The following ERG variants were observed in gnomAD, a reference collection of about 807,000 sequenced individuals.
ERG encodes the protein ETS transcription factor ERG, also known as transcriptional regulator ERG.
Under a neutral mutation model 55.3 loss-of-function variants are expected in ERG, and 9 were observed. That is an observed-to-expected ratio of 0.16 (90% confidence interval 0.10 to 0.28). The LOEUF (loss-of-function observed/expected upper bound fraction) is 0.28. Among genes scored for constraint, ERG ranks in the 10% least tolerant of loss-of-function variants. ERG has a pLI of 1.00. For synonymous variants in ERG, 223 were observed against 237.3 expected, an observed-to-expected ratio of 0.94 and a Z score of 0.55; for missense variants, 434 against 631.6, an observed-to-expected ratio of 0.69 and a Z score of 3.35.
At chr21:38,434,892 G>A (rs1990380542) in intron 2 of ERG, among the ~76,000 whole-genome samples, 2 of 152,210 alleles carry the variant, frequency 1.3e-5, no homozygotes, top group African/African-American at 4.8e-5. Context: ...GTTCATAACT[G>A]TACCTCGGTG....
At chr21:38,528,034 G>A (rs1217964437) in intron 2 of ERG, among the ~76,000 whole-genome samples, 1 of 152,208 alleles carries the variant, frequency 6.6e-6, no homozygotes, top group East Asian at 1.9e-4. Flanking sequence ...AGGCTGTGAG[G>A]GAGGATCTGT....
intron 1 of ERG, among the ~76,000 whole-genome samples, chr21:38,656,019 C>T (rs8132920): frequency 0.8 from 122,040 of 152,068 alleles, 49,418 homozygotes; most frequent in African/African-American, 0.92. Flanking sequence ...TACTCTTCAC[C>T]GCGCCCCCCG....
intron 2 of ERG, among the ~76,000 whole-genome samples, chr21:38,440,853 G>T (rs2058835002): frequency 6.7e-6 from 1 of 149,520 alleles, no homozygotes; most frequent in African/African-American, 2.5e-5. Flanking sequence ...TGGGATCCCA[G>T]GCAGTCCTTT....
intron 2 of ERG, among the ~76,000 whole-genome samples, chr21:38,510,553 T>A (rs557368097): frequency 5.3e-5 from 8 of 152,212 alleles, no homozygotes; most frequent in Admixed American, 1.3e-4. Flanking sequence ...ACTTTTGGAG[T>A]GGGGAGCTTT....
At chr21:38,556,606 G>A (rs1429975360) in intron 2 of ERG, among the ~76,000 whole-genome samples, 1 of 152,070 alleles carries the variant, frequency 6.6e-6, no homozygotes, top group Non-Finnish European at 1.5e-5. Flanking sequence ...GTGGTCATGT[G>A]ACTCATTCCT....
chr21:38,444,979 G>A (rs1413442358), intron 2 of ERG, among the ~76,000 whole-genome samples: 3 of 152,138 alleles, frequency 2.0e-5, no homozygotes, highest in Non-Finnish European at 4.4e-5. Context: ...GAGCCCTCGT[G>A]CCTGGGAAAT....
chr21:38,552,397 C>T (rs940598987), intron 2 of ERG, among the ~76,000 whole-genome samples: 4 of 151,956 alleles, frequency 2.6e-5, no homozygotes, highest in African/African-American at 9.7e-5. Context: ...AAACTTCAGG[C>T]CAATATTCAT....
At chr21:38,409,634 A>C (rs1406157139) in intron 3 of ERG, among the ~76,000 whole-genome samples, 1 of 152,068 alleles carries the variant, frequency 6.6e-6, no homozygotes, top group Non-Finnish European at 1.5e-5. Flanking sequence ...AAGTAGAGAG[A>C]AGCTCTTTGG....
chr21:38,405,738 C>T (rs1033162817), intron 3 of ERG, among the ~76,000 whole-genome samples: 6 of 152,102 alleles, frequency 3.9e-5, no homozygotes, highest in Admixed American at 2.6e-4. Context: ...CCTGGGGACA[C>T]GCTGGCCTTG....
At chr21:38,470,574 G>A (rs995999678) in intron 1 of ERG, among the ~76,000 whole-genome samples, 3 of 152,104 alleles carry the variant, frequency 2.0e-5, no homozygotes, top group Non-Finnish European at 4.4e-5. Flanking sequence ...GATAGCAGAG[G>A]GGCCACAGAA....
At position 38,460,824 on chromosome 21, in the gene ERG, C is replaced by T. The variant is rs905462435; in HGVS notation, c.19-15203G>A. On this transcript the variant is annotated intron_variant, in intron 1 of 9. Transcript: ENST00000288319. The surrounding 1 kb of genome is among the most constrained non-coding windows in gnomAD (Gnocchi z 5.0). ...ATGGGTGTGAGGCTGTAGGTTTTAA[C>T]GAGCTCTGAATGGCAAATGGCAGAC... is the stretch of plus-strand genomic sequence containing the variant. Among the ~76,000 whole-genome samples the T allele has an allele frequency of 3.9e-5, 6 of 152,278 alleles. No individual in the cohort carries two copies. The highest frequency in any genetic ancestry group is 1.4e-4 in the African/African-American group (6 of 41,560).
At chr21:38,599,675 C>T (rs141458086) in intron 1 of ERG, among the ~76,000 whole-genome samples, 54 of 152,216 alleles carry the variant, frequency 3.5e-4, no homozygotes, top group African/African-American at 1.1e-3. Flanking sequence ...TGAAACAGGA[C>T]GAACAATAGG....
chr21:38,611,816 G>A (rs1340653574), intron 1 of ERG, among the ~76,000 whole-genome samples: 1 of 152,160 alleles, frequency 6.6e-6, no homozygotes, highest in Non-Finnish European at 1.5e-5. Flanking sequence ...TGGGCACGGA[G>A]TGGGCAGGCA....
chr21:38,437,144 C>T (rs1317840371), intron 2 of ERG, among the ~76,000 whole-genome samples: 1 of 152,182 alleles, frequency 6.6e-6, no homozygotes, highest in Non-Finnish European at 1.5e-5. Context: ...CCACCTCAGC[C>T]TCCCAAAGTG....
intron 1 of ERG, among the ~76,000 whole-genome samples, chr21:38,453,161 C>G (rs984017420): frequency 2.0e-5 from 3 of 152,180 alleles, no homozygotes; most frequent in Non-Finnish European, 4.4e-5. Context: ...TACCAAAGAG[C>G]GTATTATTGC....
chr21:38,438,040 A>G (rs995770073), intron 2 of ERG, among the ~76,000 whole-genome samples: 3 of 152,148 alleles, frequency 2.0e-5, no homozygotes, highest in African/African-American at 7.2e-5. Flanking sequence ...CTTGGACACT[A>G]AACAGCAGCC....
chr21:38,616,240 T>A (rs1414714470), intron 1 of ERG, among the ~76,000 whole-genome samples: 1 of 152,022 alleles, frequency 6.6e-6, no homozygotes, highest in East Asian at 1.9e-4. Flanking sequence ...TAGCTGTGAG[T>A]CAATTAAACC....
At chr21:38,407,755 AAAT>A (rs1392854057) in intron 3 of ERG, among the ~76,000 whole-genome samples, 1 of 146,424 alleles carries the variant, frequency 6.8e-6, no homozygotes, top group East Asian at 1.9e-4. Flanking sequence ...AAAGTATAAA[AAAT>A]AAAAGTAAAA....
chr21:38,596,153 C>T (rs1351287671), intron 1 of ERG, among the ~76,000 whole-genome samples: 1 of 152,090 alleles, frequency 6.6e-6, no homozygotes, highest in Non-Finnish European at 1.5e-5. Flanking sequence ...AAGGCTACTG[C>T]CCTTCTTCTG....
Sources: gnomAD v4.1 joint callset for allele counts (sites outside exome capture counted in the v4.1 genomes callset) on GRCh38, gnomAD v4.1.1 for gene constraint, Gnocchi (gnomAD v3.1) non-coding constraint, MANE v1.5 for transcripts, NCBI Gene and HGNC (gene_info 2026-07-23, HGNC 2026-07-21) for gene names.